The following ANK2 variants were observed in gnomAD, a reference collection of about 807,000 sequenced individuals.
The protein encoded by ANK2 is ankyrin 2, also known as ankyrin-2.
ANK2 carries 83 observed loss-of-function variants against 360.5 expected under a neutral mutation model. That is an observed-to-expected ratio of 0.23 (90% CI 0.19 to 0.28). ANK2 has a LOEUF of 0.28. ANK2 is among the 10% of genes least tolerant of loss of function. ANK2 has a pLI of 1.00. For missense variants in ANK2, 4,201 were observed against 4,795.7 expected, an observed-to-expected ratio of 0.88 and a Z score of 3.66; for synonymous variants, 1,740 against 1,759.5, an observed-to-expected ratio of 0.99 and a Z score of 0.28.
At chr4:112,786,100 C>T in the ANK2 span, among the ~76,000 whole-genome samples, 1 of 152,090 alleles carries the variant, frequency 6.6e-6, no homozygotes, top group Non-Finnish European at 1.5e-5. Flanking sequence ...CCTCAGCCTC[C>T]TAAATTGCTG....
In ANK2 at chr4:113,357,483, C is replaced by T; in HGVS notation, c.8865C>T (p.His2955=). The part of the protein sequence containing the change: ...QTDANHTTSF[H]SSEVYSVTIT... ...ATGCAAATCACACCACAAGTTTTCA[C>T]TCTTCTGAAGTGTATTCTGTTACCA... The change falls in exon 38 of 46, where the codon CAC becomes CAT. Residue 2955 remains histidine, a synonymous_variant. Transcript: ENST00000357077. 6.2e-7 allele frequency: 1 copy of T among 1,614,124 alleles called. No homozygotes were observed. The highest frequency in any genetic ancestry group is 8.5e-7 in the Non-Finnish European group (1 of 1,179,988).
chr4:113,378,692 G>A (rs1466262677), intron 45 of ANK2, among the ~76,000 whole-genome samples: 1 of 152,198 alleles, frequency 6.6e-6, no homozygotes, highest in Non-Finnish European at 1.5e-5. Context: ...TATACCTAGC[G>A]ATGCTGAAAC....
chr4:112,958,623 GGGGAGA>G (rs756617429), intron 2 of ANK2, among the ~76,000 whole-genome samples: 1,669 of 151,834 alleles, frequency 0.011, 20 homozygotes, highest in Middle Eastern at 0.034. Flanking sequence ...GAGGGAGAGG[GGGGAGA>G]GGGAGAGGGA....
intron 2 of ANK2, among the ~76,000 whole-genome samples, chr4:113,018,956 G>A (rs2057362041): frequency 6.6e-6 from 1 of 152,132 alleles, no homozygotes; most frequent in Non-Finnish European, 1.5e-5. Flanking sequence ...AGGTGAAGCT[G>A]AACCTCCTCA....
chr4:113,109,681 A>G (rs1420765095), intron 1 of ANK2, among the ~76,000 whole-genome samples: 1 of 152,086 alleles, frequency 6.6e-6, no homozygotes, highest in Non-Finnish European at 1.5e-5. Flanking sequence ...CAGTGGTTCC[A>G]TTTTCCTTCA....
intron 1 of ANK2, among the ~76,000 whole-genome samples, chr4:113,066,836 T>G (rs909435461): frequency 4.6e-5 from 7 of 152,164 alleles, no homozygotes; most frequent in Admixed American, 4.6e-4. Flanking sequence ...TGAGCTTCTC[T>G]GTGTCTCAGC....
At chr4:113,140,669 G>A (rs532730229) in intron 1 of ANK2, among the ~76,000 whole-genome samples, 19 of 151,966 alleles carry the variant, frequency 1.3e-4, no homozygotes, top group African/African-American at 4.3e-4. Flanking sequence ...TAATATGATA[G>A]CACTAGCCCT....
chr4:113,292,510 C>T lies in ANK2; in HGVS notation c.2372C>T (p.Thr791Ile). Residue 791 changes from threonine (T) to isoleucine (I), a missense_variant, in exon 21 of 46, where the codon ACT becomes ATT. Thr to Ile is a moderately conservative substitution (Grantham distance 89). Transcript: ENST00000357077. ...CATGGGGCCAAGCCCAACGCCACCA[C>T]TGCGGTAAGGCAGACGCCACTGCCC... ...LQHGAKPNATTANGNTALAIA... is the reference protein window; with the variant it reads ...LQHGAKPNATIANGNTALAIA... 1 of 1,607,760 alleles carries T rather than the reference C, an allele frequency of 6.2e-7. No individual in the cohort carries two copies. Among genetic ancestry groups the T allele is most frequent in the Non-Finnish European group, 8.5e-7 (1 of 1,176,838 alleles).
intron 1 of ANK2, among the ~76,000 whole-genome samples, chr4:112,859,578 T>G (rs1451120957): frequency 2.0e-5 from 3 of 152,134 alleles, no homozygotes; most frequent in Non-Finnish European, 4.4e-5. Flanking sequence ...CTCCATTATC[T>G]CTTTATTTGT....
At chr4:113,249,607 C>T (rs2045010201) in intron 9 of ANK2, among the ~76,000 whole-genome samples, 157 bp from the exon 10 acceptor site, 1 of 152,216 alleles carries the variant, frequency 6.6e-6, no homozygotes, top group South Asian at 2.1e-4. Context: ...TTTTCTCTTT[C>T]ACTCATCTTT....
intron 41 of ANK2, among the ~76,000 whole-genome samples, chr4:113,367,294 C>A (rs1448758592): frequency 6.6e-6 from 1 of 152,058 alleles, no homozygotes; most frequent in African/African-American, 2.4e-5. Context: ...CAAATTCTAA[C>A]CCCATGTTAG....
rs186496578 is a variant in ANK2, at chr4:113,315,821, T to C, written c.2694-1886T>C. On this transcript the variant is annotated intron_variant, in intron 24 of 45. Transcript: ENST00000357077. ...GGCTGAGGCAGGAGAATGGTGAACC[T>C]GGGAGGCGGAGCTTGCACTGAGCCA... 3.4e-3 allele frequency among the ~76,000 whole-genome samples: 462 copies of C among 134,078 alleles called. 18 individuals are homozygous for C. The South Asian group carries it at 0.072, about 21-fold the overall frequency. 88.0% of individuals were successfully genotyped at this position (134,078 alleles called of 152,430 possible).
At chr4:113,230,097 GT>G (rs954221305) in intron 4 of ANK2, among the ~76,000 whole-genome samples, 38 of 152,058 alleles carry the variant, frequency 2.5e-4, no homozygotes, top group African/African-American at 8.7e-4. Context: ...CCTGCTTGCT[GT>G]GTTTTTTTAA....
chr4:112,962,276 A>G (rs1408414923), intron 2 of ANK2, among the ~76,000 whole-genome samples: 2 of 152,086 alleles, frequency 1.3e-5, no homozygotes, highest in Non-Finnish European at 2.9e-5. Context: ...GCTCTCACTT[A>G]TAAGTGAGAA....
At chr4:112,831,645 C>T (rs566775297) in intron 1 of ANK2, among the ~76,000 whole-genome samples, 1 of 152,308 alleles carries the variant, frequency 6.6e-6, no homozygotes, top group African/African-American at 2.4e-5. Context: ...TAAAAGCAGG[C>T]TGCTGGAGCC....
chr4:112,719,278 T>A, the ANK2 span, among the ~76,000 whole-genome samples: 2 of 152,118 alleles, frequency 1.3e-5, no homozygotes, highest in Non-Finnish European at 2.9e-5. Context: ...AAACAGTGCA[T>A]GTAATACCAC....
At chr4:112,725,645 C>G in the ANK2 span, among the ~76,000 whole-genome samples, 1 of 152,106 alleles carries the variant, frequency 6.6e-6, no homozygotes, top group Non-Finnish European at 1.5e-5. Context: ...CAGGCGTAAG[C>G]CACTGCACCT....
intron 1 of ANK2, among the ~76,000 whole-genome samples, chr4:112,835,834 A>G (rs1301584572): frequency 6.6e-6 from 1 of 152,236 alleles, no homozygotes; most frequent in Non-Finnish European, 1.5e-5. Context: ...AGGGCTTAGC[A>G]AATAGATGTT....
At chr4:112,742,509 C>T in the ANK2 span, among the ~76,000 whole-genome samples, 6 of 151,824 alleles carry the variant, frequency 4.0e-5, no homozygotes, top group Admixed American at 6.6e-5. Context: ...CCTTGTTTGC[C>T]TTGATAAGGA....
Sources: allele counts gnomAD v4.1 joint callset (sites outside exome capture counted in the v4.1 genomes callset), GRCh38; gene constraint gnomAD v4.1.1; transcripts MANE v1.5; gene names NCBI Gene and HGNC (gene_info 2026-07-23, HGNC 2026-07-21).